TRAM2: variants seen among roughly 807,000 people sequenced by gnomAD.
The protein encoded by TRAM2 is translocating chain-associated membrane protein 2.
Under a neutral mutation model 51.0 loss-of-function variants are expected in TRAM2, and 12 were observed. That is an observed-to-expected ratio of 0.24 (90% confidence interval 0.15 to 0.38). The LOEUF (loss-of-function observed/expected upper bound fraction) is 0.38, where lower values mean the gene tolerates loss of function less well. TRAM2 is among the 10% of genes least tolerant of loss of function. The pLI is 1.00. For synonymous variants in TRAM2, 175 were observed against 179.4 expected, an observed-to-expected ratio of 0.98 and a Z score of 0.20; for missense variants, 361 against 462.0, an observed-to-expected ratio of 0.78 and a Z score of 2.00.
At chr6:52,523,066 T>C (rs1766706415) in intron 2 of TRAM2, 1 of 535,928 alleles carries the variant, frequency 1.9e-6, no homozygotes, top group African/African-American at 1.9e-5. Context: ...CTTCTTCTTT[T>C]GTCTGAAAGC....
intron 2 of TRAM2, chr6:52,525,209 G>A (rs9463797): frequency 6.6e-6 from 1 of 152,252 alleles, no homozygotes; most frequent in African/African-American, 2.4e-5. Flanking sequence ...CTCCCCATCA[G>A]GCCTCTCTGC....
intron 1 of TRAM2, among the ~76,000 whole-genome samples, chr6:52,572,517 C>T (rs947444998): frequency 5.3e-5 from 8 of 152,192 alleles, no homozygotes; most frequent in Non-Finnish European, 8.8e-5. Flanking sequence ...GCAAGAGAAT[C>T]GCTGGAACCT....
At chr6:52,514,906 CTG>C (rs1438849291) in intron 4 of TRAM2, among the ~76,000 whole-genome samples, 2 of 152,244 alleles carry the variant, frequency 1.3e-5, no homozygotes, top group African/African-American at 4.8e-5. Context: ...GCCCCTGGGA[CTG>C]TGACAGCCTT....
intron 7 of TRAM2, among the ~76,000 whole-genome samples, chr6:52,507,340 G>C (rs1193048520): frequency 6.6e-6 from 1 of 152,240 alleles, no homozygotes; most frequent in Non-Finnish European, 1.5e-5. Context: ...ACTCTCAACT[G>C]TCCTTACTTA....
intron 10 of TRAM2, among the ~76,000 whole-genome samples, chr6:52,503,869 T>C (rs1033138989): frequency 6.6e-6 from 1 of 151,710 alleles, no homozygotes. Context: ...GCCCCATACC[T>C]CCCCCGCCAG....
At chr6:52,576,732 G>A in intron 1 of TRAM2, 64 bp downstream of exon 1, 2 of 1,577,666 alleles carry the variant, frequency 1.3e-6, no homozygotes, top group Admixed American at 3.7e-5. Context: ...ACCTGCAGGG[G>A]TGTGCCGGGC....
intron 2 of TRAM2, among the ~76,000 whole-genome samples, chr6:52,527,817 G>A (rs550937399): frequency 6.6e-6 from 1 of 152,288 alleles, no homozygotes; most frequent in East Asian, 1.9e-4. Context: ...AAAATTCATT[G>A]AGCTGAACAC....
chr6:52,503,323 A>T (rs908049104), intron 10 of TRAM2, 53 bp from the exon 11 acceptor site: 5 of 1,540,396 alleles, frequency 3.2e-6, no homozygotes, highest in Non-Finnish European at 4.5e-6. Flanking sequence ...GAGCTAAGGC[A>T]GAAGAGGGGA....
intron 8 of TRAM2, 83 bp downstream of exon 8, chr6:52,505,949 G>C (rs1766340157): frequency 5.3e-6 from 8 of 1,509,136 alleles, no homozygotes; most frequent in Non-Finnish European, 7.3e-6. Flanking sequence ...GTGCAACCAG[G>C]GAGGGACCCT....
At position 52,498,614 on chromosome 6, in the gene TRAM2, G is replaced by T. The variant is rs1766138987; in HGVS notation, c.*4583C>A. 6.6e-6 allele frequency: 1 copy of T among 152,352 alleles called. No homozygotes were observed. The highest frequency in any genetic ancestry group is 1.5e-5 in the Non-Finnish European group (1 of 68,122). 9.4% of individuals were successfully genotyped at this position (152,352 alleles called of 1,614,324 possible). A position where few individuals can be genotyped will look rare whatever the true frequency, so the allele number is the denominator to read the frequency against. ...GGCTTCTCTTAATAGGTATGCTTGT[G>T]GTTGGGCCACCTCACAGACTTCCAC... On this transcript the variant is annotated 3_prime_UTR_variant, in exon 11 of 11. Coordinates refer to ENST00000182527, the MANE Select transcript of TRAM2 (RefSeq NM_012288.4).
intron 7 of TRAM2, among the ~76,000 whole-genome samples, chr6:52,507,324 T>G (rs1391006678): frequency 2.0e-5 from 3 of 152,238 alleles, no homozygotes; most frequent in Non-Finnish European, 4.4e-5. Flanking sequence ...TGTTATGGTG[T>G]TCATCACTCT....
chr6:52,552,937 C>A (rs1339164943), intron 1 of TRAM2, among the ~76,000 whole-genome samples: 2 of 152,084 alleles, frequency 1.3e-5, no homozygotes, highest in African/African-American at 4.8e-5. Flanking sequence ...TTATTAAATC[C>A]ATCATTTCTA....
At chr6:52,506,297 C>T (rs1165155798) in intron 7 of TRAM2, among the ~76,000 whole-genome samples, 161 bp from the exon 8 acceptor site, 1 of 152,190 alleles carries the variant, frequency 6.6e-6, no homozygotes, top group Non-Finnish European at 1.5e-5. Context: ...TTCAGTTTAG[C>T]TCTCACACCT....
chr6:52,550,586 C>T (rs1040811648), intron 1 of TRAM2, among the ~76,000 whole-genome samples: 5 of 152,124 alleles, frequency 3.3e-5, no homozygotes, highest in African/African-American at 1.2e-4. Flanking sequence ...GGTTTCACTC[C>T]CGTCATCCAG....
Position 52,505,710 on chromosome 6 carries a change from G to A in TRAM2, c.764C>T (p.Thr255Ile). ...GGCAAGGGTGAGGATGAAGAGGCGGGTAACCCCAAAAACAGCAGCCCAGGC... is the reference window on the plus strand; with the variant it reads ...GGCAAGGGTGAGGATGAAGAGGCGGATAACCCCAAAAACAGCAGCCCAGGC... The part of the protein sequence containing the change: ...FSAWAAVFGV[T>I]RLFILTLAVL... Residue 255 changes from threonine (T) to isoleucine (I), a missense_variant, in exon 9 of 11, where the codon ACC (threonine) becomes ATC (isoleucine). Thr to Ile is a moderately conservative substitution (Grantham distance 89). Coordinates refer to ENST00000182527, the MANE Select transcript of TRAM2 (RefSeq NM_012288.4). The A allele has an allele frequency of 6.2e-7, 1 of 1,612,844 alleles. No individual in the cohort carries two copies. Among genetic ancestry groups the A allele is most frequent in the Non-Finnish European group, 8.5e-7 (1 of 1,179,198 alleles).
chr6:52,515,951 G>T, intron 4 of TRAM2, 55 bp downstream of exon 4: 1 of 1,482,374 alleles, frequency 6.7e-7, no homozygotes, highest in Non-Finnish European at 9.4e-7. Flanking sequence ...TCCCAGAGCT[G>T]GAATTGCCCC....
intron 1 of TRAM2, among the ~76,000 whole-genome samples, chr6:52,542,013 C>T (rs1271114221): frequency 2.0e-5 from 3 of 151,984 alleles, no homozygotes; most frequent in Non-Finnish European, 4.4e-5. Context: ...CAGTGAGGAC[C>T]CTCATTTTTT....
chr6:52,573,567 C>G (rs1356268149), intron 1 of TRAM2, among the ~76,000 whole-genome samples: 1 of 152,158 alleles, frequency 6.6e-6, no homozygotes, highest in Non-Finnish European at 1.5e-5. Flanking sequence ...AAAAGCTGCC[C>G]CCTGCCTTCG....
At chr6:52,547,559 A>G (rs1767227791) in intron 1 of TRAM2, among the ~76,000 whole-genome samples, 1 of 152,186 alleles carries the variant, frequency 6.6e-6, no homozygotes, top group Admixed American at 6.5e-5. Context: ...ATATTCGCAA[A>G]GGGGCTGGGA....
Sources: allele counts gnomAD v4.1 joint callset (sites outside exome capture counted in the v4.1 genomes callset), GRCh38; gene constraint gnomAD v4.1.1; transcripts MANE v1.5; gene names NCBI Gene and HGNC (gene_info 2026-07-23, HGNC 2026-07-21).